SYTL3: variants seen among roughly 807,000 people sequenced by gnomAD.
SYTL3 encodes the protein synaptotagmin-like protein 3.
Under a neutral mutation model 82.1 loss-of-function variants are expected in SYTL3, and 88 were observed. The ratio of observed to expected loss-of-function variants is 1.07; its 90% confidence interval spans 0.90 to 1.28. The LOEUF is 1.28. Among genes scored for constraint, SYTL3 ranks in the 50% most tolerant of loss-of-function variants. The pLI, the probability that SYTL3 is intolerant of heterozygous loss-of-function variation, is 0.00. For missense variants in SYTL3, 831 were observed against 757.6 expected, an observed-to-expected ratio of 1.10 and a Z score of -1.14; for synonymous variants, 311 against 289.4, an observed-to-expected ratio of 1.07 and a Z score of -0.76.
rs1361220288 is a variant in SYTL3 at position 158,701,246 on chromosome 6, GAA to G, written c.395-5983_395-5982del. Among the ~76,000 whole-genome samples, 89 of 17,948 alleles carry G rather than the reference GAA, an allele frequency of 5.0e-3. 27 individuals are homozygous for G. Among genetic ancestry groups the G allele is most frequent in the African/African-American group, 0.019 (33 of 1,720 alleles). The allele number at this position is 17,948 out of a possible 152,430, so 11.8% of individuals were successfully genotyped here. ...AAGGAGTGTGAGCTGGGGTGTAGAT[GAA>G]GGAGTGTGAGCTGGGGTGTAGATGA... is the stretch of plus-strand genomic sequence containing the variant. On this transcript the variant is annotated intron_variant, in intron 6 of 17. Transcript: ENST00000611299.
At chr6:158,694,296 T>C (rs914899865) in intron 6 of SYTL3, among the ~76,000 whole-genome samples, 2 of 149,372 alleles carry the variant, frequency 1.3e-5, no homozygotes, top group Non-Finnish European at 3.0e-5. Context: ...GATTTTATTC[T>C]TTTTTTTTTC....
At chr6:158,695,258 T>C (rs2128429119) in intron 6 of SYTL3, among the ~76,000 whole-genome samples, 1 of 152,286 alleles carries the variant, frequency 6.6e-6, no homozygotes, top group East Asian at 1.9e-4. Context: ...GTTGATAAAA[T>C]ACAACAACGT....
intron 10 of SYTL3, among the ~76,000 whole-genome samples, chr6:158,722,142 T>C (rs963764532): frequency 7.1e-6 from 1 of 140,308 alleles, no homozygotes; most frequent in East Asian, 1.9e-4. Context: ...TAGATAACTT[T>C]CTTTTTTTGT....
At chr6:158,731,816 A>C (rs1219221088) in intron 11 of SYTL3, among the ~76,000 whole-genome samples, 18 of 152,056 alleles carry the variant, frequency 1.2e-4, no homozygotes, top group Non-Finnish European at 1.2e-4. Context: ...GATGATCTTG[A>C]TCTCCTGACC....
In SYTL3 at chr6:158,663,292, T is replaced by G; in HGVS notation, c.24T>G (p.Ser8Arg). 6.2e-7 allele frequency: 1 copy of G among 1,614,026 alleles called. No individual in the cohort carries two copies. The highest frequency in any genetic ancestry group is 8.5e-7 in the Non-Finnish European group (1 of 1,180,012). Residue 8 changes from serine (S) to arginine (R), a missense_variant, in exon 4 of 18, where the codon AGT becomes AGG. Physicochemically the swap from Ser to Arg is moderately radical, Grantham distance 110 (BLOSUM62 -1). Coordinates refer to ENST00000611299, the MANE Select transcript of SYTL3 (RefSeq NM_001242394.2). MAQEIDL[S>R]ALKELEREAI... is the part of the protein sequence containing the mutation. ...AAATGGCCCAAGAAATAGATCTGAG[T>G]GCTCTCAAGGAGTTAGAACGCGAGG...
At chr6:158,750,106 C>G (rs1345584226) in intron 12 of SYTL3, among the ~76,000 whole-genome samples, 4 of 152,088 alleles carry the variant, frequency 2.6e-5, no homozygotes, top group Non-Finnish European at 5.9e-5. Context: ...ATAGATGAAT[C>G]CCAAACATAA....
intron 5 of SYTL3, among the ~76,000 whole-genome samples, chr6:158,667,218 C>T (rs186496883): frequency 2.2e-3 from 335 of 152,344 alleles, no homozygotes; most frequent in African/African-American, 7.6e-3. Context: ...GGCAATCTCC[C>T]AGGAAGCTGA....
At chr6:158,739,819 A>AT (rs1786692354) in intron 11 of SYTL3, among the ~76,000 whole-genome samples, 1 of 151,922 alleles carries the variant, frequency 6.6e-6, no homozygotes, top group African/African-American at 2.4e-5. Flanking sequence ...TTGGCCCTGT[A>AT]TGTCTCTTAT....
At chr6:158,672,991 T>G (rs2583078) in intron 5 of SYTL3, among the ~76,000 whole-genome samples, 2 of 151,902 alleles carry the variant, frequency 1.3e-5, no homozygotes, top group East Asian at 3.9e-4. Flanking sequence ...GAGTACAGGG[T>G]GTGATCATAG....
intron 6 of SYTL3, among the ~76,000 whole-genome samples, chr6:158,683,998 A>G (rs1272403762): frequency 1.3e-5 from 2 of 152,234 alleles, no homozygotes; most frequent in Non-Finnish European, 2.9e-5. Context: ...AGCCCAGGAA[A>G]CACTTCCAAG....
intron 11 of SYTL3, among the ~76,000 whole-genome samples, chr6:158,731,610 T>C (rs1035372961): frequency 3.9e-5 from 6 of 152,212 alleles, no homozygotes; most frequent in African/African-American, 1.4e-4. Flanking sequence ...GTCGTTGTTG[T>C]TGAGATGGTG....
intron 6 of SYTL3, among the ~76,000 whole-genome samples, chr6:158,700,976 C>T (rs1228793634): frequency 2.0e-5 from 3 of 152,118 alleles, no homozygotes; most frequent in South Asian, 4.1e-4. Context: ...CCAGGGACAG[C>T]GAGATGCAGA....
intron 5 of SYTL3, among the ~76,000 whole-genome samples, chr6:158,666,536 ACGGTG>A (rs1790081394): frequency 6.6e-6 from 1 of 152,142 alleles, no homozygotes; most frequent in Non-Finnish European, 1.5e-5. Flanking sequence ...GCTGGGGGAG[ACGGTG>A]CACAAGGACA....
intron 10 of SYTL3, 142 bp downstream of exon 10, chr6:158,718,353 T>C: frequency 9.6e-7 from 1 of 1,038,578 alleles, no homozygotes; most frequent in South Asian, 2.5e-5. Flanking sequence ...TAATTACCAG[T>C]CAGTGCCTCT....
chr6:158,750,811 T>C (rs1310885006), intron 12 of SYTL3, among the ~76,000 whole-genome samples: 1 of 152,266 alleles, frequency 6.6e-6, no homozygotes, highest in East Asian at 1.9e-4. Context: ...GTTTTTCTTT[T>C]TTGAGATGGA....
At position 158,764,729 on chromosome 6, in the gene SYTL3, G is replaced by A; in HGVS notation, c.*125G>A. 1 of 652,846 alleles carries A rather than the reference G, an allele frequency of 1.5e-6. No homozygotes were observed. The highest frequency in any genetic ancestry group is 2.6e-5 in the East Asian group (1 of 38,198). 40.4% of individuals were successfully genotyped at this position (652,846 alleles called of 1,614,324 possible). ...TGACCTTGAGCAGTCTCCATCTGCG[G>A]CCCTGTCCCATGGCTTAACCGCCTA... On this transcript the variant is annotated 3_prime_UTR_variant, in exon 18 of 18. Coordinates refer to ENST00000611299, the MANE Select transcript of SYTL3 (RefSeq NM_001242394.2).
chr6:158,748,165 G>C (rs1162601798), intron 12 of SYTL3, among the ~76,000 whole-genome samples: 2 of 149,328 alleles, frequency 1.3e-5, no homozygotes, highest in Non-Finnish European at 3.0e-5. Context: ...CCTCAGTTTT[G>C]CCTTTCTTTT....
chr6:158,671,093 G>T (rs79564705), intron 5 of SYTL3, among the ~76,000 whole-genome samples: 5 of 151,736 alleles, frequency 3.3e-5, no homozygotes, highest in Middle Eastern at 3.2e-3. Context: ...CGTGAGCCAC[G>T]GCGCCCGGCC....
At chr6:158,715,768 G>A (rs918234777) in intron 9 of SYTL3, among the ~76,000 whole-genome samples, 14 of 151,594 alleles carry the variant, frequency 9.2e-5, no homozygotes, top group East Asian at 1.9e-4. Context: ...AACAGGACAC[G>A]TGACCACACA....
Sources: allele counts gnomAD v4.1 joint callset (sites outside exome capture counted in the v4.1 genomes callset), GRCh38; gene constraint gnomAD v4.1.1; transcripts MANE v1.5; gene names NCBI Gene and HGNC (gene_info 2026-07-23, HGNC 2026-07-21).